Variants in LGR5 observed in about 807,000 individuals in gnomAD.
The protein encoded by LGR5 is leucine rich repeat containing G protein-coupled receptor 5.
In LGR5, 54 loss-of-function variants were observed where a neutral mutation model predicts 76.7. The ratio of observed to expected loss-of-function variants is 0.70; its 90% CI spans 0.57 to 0.88. The LOEUF (loss-of-function observed/expected upper bound fraction) is 0.88, where lower values mean the gene tolerates loss of function less well. Among genes scored for constraint, LGR5 ranks in the 40% least tolerant of loss-of-function variants. LGR5 has a pLI of 0.00. For synonymous variants in LGR5, 406 were observed against 421.9 expected, an observed-to-expected ratio of 0.96 and a Z score of 0.46; for missense variants, 1,078 against 1,073.3, an observed-to-expected ratio of 1.00 and a Z score of -0.06.
chr12:71,578,055 A>C, intron 14 of LGR5, 59 bp downstream of exon 14: 2 of 1,344,950 alleles, frequency 1.5e-6, no homozygotes, highest in Admixed American at 3.5e-5. Context: ...CCATCTAGTT[A>C]ATTTTAAAAG....
chr12:71,545,674 G>C (rs544482398), intron 4 of LGR5, among the ~76,000 whole-genome samples: 34 of 151,712 alleles, frequency 2.2e-4, no homozygotes, highest in Non-Finnish European at 2.8e-4. Context: ...AAGATCAATG[G>C]CTTATCTTTT....
intron 1 of LGR5, among the ~76,000 whole-genome samples, chr12:71,461,053 A>G (rs910243357): frequency 2.6e-5 from 4 of 152,094 alleles, no homozygotes; most frequent in African/African-American, 9.7e-5. Flanking sequence ...CAGCATCCAC[A>G]TTTGGAGGTT....
At chr12:71,439,252 G>A (rs1871623603), upstream of LGR5, among the ~76,000 whole-genome samples, 1 of 152,184 alleles carries the variant, frequency 6.6e-6, no homozygotes, top group South Asian at 2.1e-4. Context: ...CAGACAGTGC[G>A]GCAGACGTAA....
At chr12:71,483,878 T>G (rs570458711) in intron 1 of LGR5, among the ~76,000 whole-genome samples, 27 of 152,250 alleles carry the variant, frequency 1.8e-4, no homozygotes, top group African/African-American at 6.0e-4. Context: ...GATGGCCATT[T>G]AGATGAGAGT....
intron 1 of LGR5, among the ~76,000 whole-genome samples, chr12:71,491,101 C>T (rs1449689217): frequency 1.3e-5 from 2 of 152,186 alleles, no homozygotes; most frequent in Non-Finnish European, 1.5e-5. Flanking sequence ...CCATGTAAGA[C>T]ATGCCTTTGC....
chr12:71,541,941 G>T (rs1876900221), intron 4 of LGR5, among the ~76,000 whole-genome samples: 1 of 152,168 alleles, frequency 6.6e-6, no homozygotes, highest in Non-Finnish European at 1.5e-5. Flanking sequence ...TGAAAAGAAG[G>T]AAAGGCTTAA....
intron 1 of LGR5, among the ~76,000 whole-genome samples, chr12:71,469,818 C>T (rs1419202756): frequency 1.3e-5 from 2 of 152,138 alleles, no homozygotes; most frequent in Non-Finnish European, 2.9e-5. Flanking sequence ...AATCCCACTG[C>T]CTCCCCGCCG....
At chr12:71,557,133 A>G (rs555686453) in intron 6 of LGR5, among the ~76,000 whole-genome samples, 1 of 152,290 alleles carries the variant, frequency 6.6e-6, no homozygotes, top group Non-Finnish European at 1.5e-5. Context: ...CAAAAGATGA[A>G]AAAGGGACTG....
intron 13 of LGR5, among the ~76,000 whole-genome samples, chr12:71,573,855 T>A (rs1437620159): frequency 6.6e-6 from 1 of 152,008 alleles, no homozygotes; most frequent in Non-Finnish European, 1.5e-5. Context: ...GTTCTGAATT[T>A]CGTTGTGTTG....
intron 1 of LGR5, among the ~76,000 whole-genome samples, chr12:71,475,751 G>A (rs537568514): frequency 1.3e-5 from 2 of 152,228 alleles, no homozygotes; most frequent in East Asian, 3.9e-4. Flanking sequence ...TTTAATATAA[G>A]TAAAAAGAAA....
intron 8 of LGR5, among the ~76,000 whole-genome samples, chr12:71,564,774 AC>A (rs1169411552): frequency 2.0e-5 from 3 of 146,996 alleles, no homozygotes; most frequent in African/African-American, 7.5e-5. Context: ...ATATGTACAC[AC>A]TGCATATATA....
chr12:71,506,980 T>C (rs1322361081), intron 2 of LGR5, among the ~76,000 whole-genome samples: 4 of 152,190 alleles, frequency 2.6e-5, no homozygotes, highest in Non-Finnish European at 5.9e-5. Flanking sequence ...TGCTTAAGTC[T>C]ATATTCTCTT....
intron 12 of LGR5, among the ~76,000 whole-genome samples, chr12:71,572,173 T>C (rs1878641280): frequency 6.6e-6 from 1 of 151,606 alleles, no homozygotes; most frequent in Non-Finnish European, 1.5e-5. Flanking sequence ...ACCTCTGCCT[T>C]GTGGGTTCAA....
intron 1 of LGR5, among the ~76,000 whole-genome samples, chr12:71,447,888 C>T (rs1412812836): frequency 1.3e-5 from 2 of 152,160 alleles, no homozygotes; most frequent in African/African-American, 2.4e-5. Flanking sequence ...GCTGAGAACG[C>T]GTGCATGGAG....
intron 1 of LGR5, among the ~76,000 whole-genome samples, chr12:71,503,825 A>C (rs1386823626): frequency 6.6e-6 from 1 of 152,160 alleles, no homozygotes; most frequent in African/African-American, 2.4e-5. Flanking sequence ...TTGGCCTCTG[A>C]GATACAGAGG....
intron 2 of LGR5, among the ~76,000 whole-genome samples, chr12:71,512,496 C>T (rs2732489): frequency 6.6e-6 from 1 of 152,076 alleles, no homozygotes. Flanking sequence ...TAATGACCAG[C>T]GGTTGTCCCC....
At chr12:71,493,923 C>T (rs1479916134) in intron 1 of LGR5, among the ~76,000 whole-genome samples, 1 of 149,338 alleles carries the variant, frequency 6.7e-6, no homozygotes, top group East Asian at 1.9e-4. Context: ...CATGGGCCAC[C>T]ATGCCCAGCT....
At chr12:71,504,471 T>C in intron 1 of LGR5, 143 bp from the exon 2 acceptor site, 1 of 741,274 alleles carries the variant, frequency 1.3e-6, no homozygotes, top group Non-Finnish European at 2.5e-6. Context: ...AATTAATATT[T>C]AAGATGTAGA....
chr12:71,578,956 A>G (rs1238177966), intron 15 of LGR5, 27 bp downstream of exon 15: 1 of 1,580,306 alleles, frequency 6.3e-7, no homozygotes, highest in Non-Finnish European at 8.6e-7. Context: ...AACTAATAAG[A>G]TACATTTGTG....
Sources: allele counts gnomAD v4.1 joint callset (sites outside exome capture counted in the v4.1 genomes callset), GRCh38; gene constraint gnomAD v4.1.1; transcripts MANE v1.5; gene names NCBI Gene and HGNC (gene_info 2026-07-23, HGNC 2026-07-21).